The following CCDC81 variants were observed in gnomAD, a reference collection of about 807,000 sequenced individuals.
CCDC81 encodes coiled-coil domain containing 81.
In CCDC81, 79 loss-of-function variants were observed where a neutral mutation model predicts 83.7. The ratio of observed to expected loss-of-function variants is 0.94; its 90% confidence interval spans 0.79 to 1.14. The LOEUF (loss-of-function observed/expected upper bound fraction) is 1.14. Among genes scored for constraint, CCDC81 ranks in the 50% most tolerant of loss-of-function variants. CCDC81 has a pLI of 0.00. For synonymous variants in CCDC81, 252 were observed against 278.1 expected, an observed-to-expected ratio of 0.91 and a Z score of 0.93; for missense variants, 791 against 778.1, an observed-to-expected ratio of 1.02 and a Z score of -0.20.
intron 13 of CCDC81, among the ~76,000 whole-genome samples, chr11:86,417,010 G>A (rs1948728732): frequency 6.6e-6 from 1 of 152,120 alleles, no homozygotes; most frequent in Non-Finnish European, 1.5e-5. Context: ...TTGGGAGACC[G>A]AGGCAGGCAG....
intron 1 of CCDC81, among the ~76,000 whole-genome samples, chr11:86,384,408 C>T (rs1189601754): frequency 6.6e-6 from 1 of 152,060 alleles, no homozygotes; most frequent in South Asian, 2.1e-4. Context: ...TCTTGGCCCT[C>T]GTGCTCACTG....
rs192546932 is a variant in CCDC81, at chr11:86,386,013, T to C, written c.80-38T>C. The C allele has an allele frequency of 2.3e-4, 257 of 1,118,848 alleles. No homozygotes were observed. In the African/African-American group the frequency reaches 3.5e-3, roughly 15 times the overall value. 69.3% of individuals were successfully genotyped at this position (1,118,848 alleles called of 1,614,324 possible). A position where few individuals can be genotyped will look rare whatever the true frequency, so the allele number is the denominator to read the frequency against. Reference sequence around the variant, plus strand: ...TAAGATACTGTCACATGGGTGCGCATATAAATTGAATAATTTCTGGTTACT... The same window carrying C: ...TAAGATACTGTCACATGGGTGCGCACATAAATTGAATAATTTCTGGTTACT... On this transcript the variant is annotated intron_variant, in intron 1 of 14. Coordinates refer to ENST00000445632, the MANE Select transcript of CCDC81 (RefSeq NM_001156474.2).
At chr11:86,393,519 C>A (rs745448172) in intron 4 of CCDC81, among the ~76,000 whole-genome samples, 3 of 152,310 alleles carry the variant, frequency 2.0e-5, no homozygotes, top group Non-Finnish European at 4.4e-5. Context: ...GGAATTCAAG[C>A]CCAGACTTCC....
intron 13 of CCDC81, 73 bp downstream of exon 13, chr11:86,415,386 C>A: frequency 8.6e-7 from 1 of 1,167,794 alleles, no homozygotes; most frequent in African/African-American, 1.5e-5. Context: ...TCTTTTTCCA[C>A]CCTGTCCCTG....
At chr11:86,421,557 G>A (rs2138548545) in intron 14 of CCDC81, among the ~76,000 whole-genome samples, 1 of 152,272 alleles carries the variant, frequency 6.6e-6, no homozygotes, top group South Asian at 2.1e-4. Context: ...CAATCCGCCC[G>A]CCTCGGCCTC....
intron 7 of CCDC81, among the ~76,000 whole-genome samples, chr11:86,406,584 A>G (rs1322246240): frequency 6.6e-6 from 1 of 152,130 alleles, no homozygotes; most frequent in Non-Finnish European, 1.5e-5. Flanking sequence ...AGGTGGGCAG[A>G]CCACTAGGTC....
chr11:86,422,544 G>A, intron 14 of CCDC81, 30 bp from the exon 15 acceptor site: 1 of 1,598,312 alleles, frequency 6.3e-7, no homozygotes, highest in Non-Finnish European at 8.6e-7. Flanking sequence ...CCAGGAACCT[G>A]CTGATCGGCA....
At chr11:86,412,302 C>T (rs983467785) in intron 10 of CCDC81, 85 bp from the exon 11 acceptor site, 110 of 1,091,756 alleles carry the variant, frequency 1.0e-4, no homozygotes, top group Non-Finnish European at 1.4e-4. Context: ...TTAAGAAATA[C>T]TTTCTGATTT....
At chr11:86,418,861 T>C (rs1456410732) in intron 13 of CCDC81, among the ~76,000 whole-genome samples, 1 of 152,136 alleles carries the variant, frequency 6.6e-6, no homozygotes, top group Admixed American at 6.5e-5. Flanking sequence ...AATTTTGTTA[T>C]GTGTTTTTTT....
chr11:86,416,289 C>G lies in CCDC81; in HGVS notation c.1691+976C>G, dbSNP rs1042610943. ...CACTGATTTTTTAAAAAAATTTATT[C>G]CCTTAGGTAAGCATTCAGCTCCTCT... On this transcript the variant is annotated intron_variant, in intron 13 of 14. Transcript: ENST00000445632. Among the ~76,000 whole-genome samples the G allele has an allele frequency of 1.5e-4, 23 of 152,240 alleles. No homozygotes were observed. The South Asian group carries it at 2.7e-3, about 18-fold the overall frequency.
chr11:86,392,086 A>G (rs1948338606), intron 3 of CCDC81, among the ~76,000 whole-genome samples: 1 of 152,202 alleles, frequency 6.6e-6, no homozygotes, highest in African/African-American at 2.4e-5. Context: ...TCACCTCCCA[A>G]TAGGCCCCAC....
chr11:86,393,753 T>A (rs1593917865), intron 4 of CCDC81, among the ~76,000 whole-genome samples: 1 of 152,202 alleles, frequency 6.6e-6, no homozygotes, highest in South Asian at 2.1e-4. Context: ...TACAGCAGAG[T>A]TTAAACAAAT....
intron 5 of CCDC81, among the ~76,000 whole-genome samples, chr11:86,396,670 G>T (rs761632290): frequency 6.6e-6 from 1 of 152,108 alleles, no homozygotes; most frequent in East Asian, 1.9e-4. Flanking sequence ...TTTTCCAACC[G>T]CCTCATCTTG....
chr11:86,417,895 A>C (rs1379801500), intron 13 of CCDC81, among the ~76,000 whole-genome samples: 3 of 152,030 alleles, frequency 2.0e-5, no homozygotes, highest in African/African-American at 7.3e-5. Flanking sequence ...CTACAGGTGC[A>C]TGCCACCACT....
At chr11:86,401,471 T>C (rs1948486253) in intron 7 of CCDC81, among the ~76,000 whole-genome samples, 1 of 152,184 alleles carries the variant, frequency 6.6e-6, no homozygotes, top group Admixed American at 6.5e-5. Context: ...ATATGTGCAA[T>C]TTATGTACTT....
chr11:86,384,366 T>C (rs1948212769), intron 1 of CCDC81, among the ~76,000 whole-genome samples: 1 of 152,034 alleles, frequency 6.6e-6, no homozygotes, highest in African/African-American at 2.4e-5. Context: ...GGGAAATGCC[T>C]GATTATAGAA....
chr11:86,420,357 T>C lies in CCDC81; in HGVS notation c.1817+304T>C, dbSNP rs547995012. Among the ~76,000 whole-genome samples the C allele has an allele frequency of 5.3e-5, 8 of 152,258 alleles. No homozygotes were observed. In the East Asian group the frequency reaches 1.5e-3, roughly 29 times the overall value. ...CTCTTTGGAAATAACTATTTGGAAGTAGGGGGAGTGAGTTTCCAATCTGAA... is the reference window on the plus strand; with the variant it reads ...CTCTTTGGAAATAACTATTTGGAAGCAGGGGGAGTGAGTTTCCAATCTGAA... On this transcript the variant is annotated intron_variant, in intron 14 of 14. Transcript: ENST00000445632.
chr11:86,422,873 T>C lies in CCDC81; in HGVS notation c.*158T>C, dbSNP rs1401592553. ...CTTGTTAAGCCCTTATTGAATTCACTCCTGCTTTCCTCCCACCCCCAATTA... is the reference window on the plus strand; with the variant it reads ...CTTGTTAAGCCCTTATTGAATTCACCCCTGCTTTCCTCCCACCCCCAATTA... On this transcript the variant is annotated 3_prime_UTR_variant, in exon 15 of 15. Transcript: ENST00000445632. 1.4e-6 allele frequency: 1 copy of C among 689,954 alleles called. No homozygotes were observed. Among genetic ancestry groups the C allele is most frequent in the East Asian group, 2.8e-5 (1 of 35,660 alleles). The allele number at this position is 689,954 out of a possible 1,614,324, so 42.7% of individuals were successfully genotyped here.
At chr11:86,411,877 AG>A (rs1184468023) in intron 10 of CCDC81, among the ~76,000 whole-genome samples, 1 of 152,196 alleles carries the variant, frequency 6.6e-6, no homozygotes, top group African/African-American at 2.4e-5. Flanking sequence ...AAGAACCACT[AG>A]GCCTTCCAAA....
Sources: gnomAD v4.1 joint callset for allele counts (sites outside exome capture counted in the v4.1 genomes callset) on GRCh38, gnomAD v4.1.1 for gene constraint, MANE v1.5 for transcripts, NCBI Gene and HGNC (gene_info 2026-07-23, HGNC 2026-07-21) for gene names.